The following GOLIM4 variants were observed in gnomAD, a reference collection of about 807,000 sequenced individuals.
The protein encoded by GOLIM4 is golgi integral membrane protein 4.
GOLIM4 carries 71 observed loss-of-function variants against 107.4 expected under a neutral mutation model. The observed-to-expected ratio is 0.66, with a 90% confidence interval of 0.55 to 0.81. The LOEUF (loss-of-function observed/expected upper bound fraction) is 0.81. Ranked by LOEUF, GOLIM4 falls within the 30% of genes least tolerant of loss-of-function variation. The pLI, the probability that GOLIM4 is intolerant of heterozygous loss-of-function variation, is 0.00. For missense variants in GOLIM4, 830 were observed against 826.1 expected (o/e 1.00, Z -0.06); for synonymous variants, 327 against 294.8 (o/e 1.11, Z -1.12).
intron 14 of GOLIM4, among the ~76,000 whole-genome samples, chr3:168,017,419 G>A (rs985037117): frequency 4.3e-4 from 66 of 152,262 alleles, no homozygotes; most frequent in African/African-American, 1.5e-3. Flanking sequence ...GAGCTCTGGA[G>A]GTCAAAGTTG....
chr3:168,052,712 T>C (rs574409247), intron 1 of GOLIM4, among the ~76,000 whole-genome samples: 1 of 152,288 alleles, frequency 6.6e-6, no homozygotes, highest in Non-Finnish European at 1.5e-5. Flanking sequence ...TTTATCTAGC[T>C]AGGTTTACTG....
At chr3:168,041,537 A>G in intron 5 of GOLIM4, 63 bp from the exon 6 acceptor site, 2 of 782,884 alleles carry the variant, frequency 2.6e-6, no homozygotes, top group Non-Finnish European at 4.4e-6. Flanking sequence ...TGTTTCTATT[A>G]TTTTCATATC....
chr3:168,027,802 C>T lies in GOLIM4; in HGVS notation c.1549G>A (p.Glu517Lys). Reference sequence around the variant, plus strand: ...TCATGTCTATTACCTGGATCTCCTTCTGCTTCATCTTGGTGCTGGTTGTCT... The same window carrying T: ...TCATGTCTATTACCTGGATCTCCTTTTGCTTCATCTTGGTGCTGGTTGTCT... ...ERDNQHQDEAEGDPGNRHEPR... is the reference protein window; with the variant it reads ...ERDNQHQDEAKGDPGNRHEPR... The change falls in exon 12 of 16, where the codon GAA (glutamate) becomes AAA (lysine). Residue 517 changes from glutamate to lysine, a missense_variant. Physicochemically the swap from Glu to Lys is moderately conservative, Grantham distance 56. Coordinates refer to ENST00000470487, the MANE Select transcript of GOLIM4 (RefSeq NM_014498.5). 6.2e-7 allele frequency: 1 copy of T among 1,613,378 alleles called. No individual in the cohort carries two copies. Among genetic ancestry groups the T allele is most frequent in the Non-Finnish European group, 8.5e-7 (1 of 1,179,364 alleles).
Position 168,085,869 on chromosome 3 carries a change from C to A in GOLIM4, c.187+9230G>T, listed in dbSNP as rs1042522962. On this transcript the variant is annotated intron_variant, in intron 1 of 15. Transcript: ENST00000470487. ...ATCTAGGTATTTTATGCCTGTCCTA[C>A]CACCATATGTTGGCTGTGTTGAGGG... Among the ~76,000 whole-genome samples, 8 of 151,982 alleles carry A rather than the reference C, an allele frequency of 5.3e-5. No homozygotes were observed. The South Asian group carries it at 1.2e-3, about 24-fold the overall frequency.
At position 168,009,442 on chromosome 3, in the gene GOLIM4, A is replaced by AAAAAAAAAAAAAT. The variant is rs1716866500; in HGVS notation, c.*826_*827insATTTTTTTTTTTT. The AAAAAAAAAAAAAT allele has an allele frequency of 6.7e-6, 1 of 149,442 alleles. No individual in the cohort carries two copies. Among genetic ancestry groups the AAAAAAAAAAAAAT allele is most frequent in the Non-Finnish European group, 1.5e-5 (1 of 67,176 alleles). 9.3% of individuals were successfully genotyped at this position (149,442 alleles called of 1,614,324 possible). ...CAATGGCTTCAAACAAAAAAAAAAAAAAAAAATTGAGAATGGGTGCTCGCA... is the reference window on the plus strand; with the variant it reads ...CAATGGCTTCAAACAAAAAAAAAAAAAAAAAAAAAAAATAAAAAATTGAGAATGGGTGCTCGCA... On this transcript the variant is annotated 3_prime_UTR_variant, in exon 16 of 16. Transcript: ENST00000470487.
intron 1 of GOLIM4, among the ~76,000 whole-genome samples, chr3:168,050,822 TATAATAATAATAATAATAATA>T (rs140084468): frequency 1.5e-4 from 21 of 136,302 alleles, no homozygotes; most frequent in South Asian, 2.4e-4. Context: ...TAGCAACACC[TATAATAATAATAATAATAATA>T]ATAATAATAA....
rs1470830051 is a variant in GOLIM4, at chr3:168,009,320, T to C, written c.*949A>G. 6.6e-6 allele frequency: 1 copy of C among 150,448 alleles called. No homozygotes were observed. The highest frequency in any genetic ancestry group is 2.4e-5 in the African/African-American group (1 of 41,052). The allele number at this position is 150,448 out of a possible 1,614,324, so 9.3% of individuals were successfully genotyped here. A position where few individuals can be genotyped will look rare whatever the true frequency, so the allele number is the denominator to read the frequency against. Reference sequence around the variant, plus strand: ...GCAGTTTGGTATGTCTTCATATTTATACTTATTATCAAAGTGATTGCATAT... The same window carrying C: ...GCAGTTTGGTATGTCTTCATATTTACACTTATTATCAAAGTGATTGCATAT... On this transcript the variant is annotated 3_prime_UTR_variant, in exon 16 of 16. Coordinates refer to ENST00000470487, the MANE Select transcript of GOLIM4 (RefSeq NM_014498.5).
At chr3:168,048,941 G>A (rs1005429119) in intron 1 of GOLIM4, among the ~76,000 whole-genome samples, 1 of 152,134 alleles carries the variant, frequency 6.6e-6, no homozygotes, top group Non-Finnish European at 1.5e-5. Context: ...AAACAGACTA[G>A]AGAAGCACAG....
chr3:168,072,847 A>G (rs142189954), intron 1 of GOLIM4, among the ~76,000 whole-genome samples: 108 of 152,296 alleles, frequency 7.1e-4, no homozygotes, highest in African/African-American at 2.5e-3. Context: ...TTCTAAAGAC[A>G]CACTGATCTA....
At chr3:168,044,913 A>G in intron 3 of GOLIM4, 32 bp from the exon 4 acceptor site, 1 of 1,266,326 alleles carries the variant, frequency 7.9e-7, no homozygotes, top group Non-Finnish European at 1.1e-6. Context: ...GAAAACACAA[A>G]GATAAATATG....
intron 14 of GOLIM4, among the ~76,000 whole-genome samples, chr3:168,021,283 G>T (rs1296824018): frequency 2.0e-5 from 3 of 152,204 alleles, no homozygotes; most frequent in African/African-American, 7.2e-5. Context: ...GATCCAAAGA[G>T]ATAGATAGAA....
intron 14 of GOLIM4, among the ~76,000 whole-genome samples, chr3:168,021,360 T>G (rs911825493): frequency 6.6e-6 from 1 of 151,810 alleles, no homozygotes; most frequent in Non-Finnish European, 1.5e-5. Context: ...AACAAGAGAG[T>G]TTCTTCCAAT....
In GOLIM4 at chr3:168,029,873, T is replaced by C; in HGVS notation, c.1340A>G (p.Gln447Arg). ...QRLQGHLLRQQEQQQQQVARE... is the reference protein window; with the variant it reads ...QRLQGHLLRQREQQQQQVARE... ...TGCCACCTGCTGCTGCTGCTGTTCC[T>C]GCTGCCGTAGTAAGTGCCCCTGCAG... Residue 447 changes from glutamine (Q) to arginine (R), a missense_variant, in exon 10 of 16, where the codon CAG (glutamine) becomes CGG (arginine). Gln to Arg is a conservative substitution (Grantham distance 43, BLOSUM62 1). Transcript: ENST00000470487. 20 of 1,614,132 alleles carry C rather than the reference T, an allele frequency of 1.2e-5. No homozygotes were observed. Among genetic ancestry groups the C allele is most frequent in the Non-Finnish European group, 1.7e-5 (20 of 1,180,018 alleles).
intron 1 of GOLIM4, among the ~76,000 whole-genome samples, chr3:168,064,543 C>G (rs983499078): frequency 6.6e-6 from 1 of 151,800 alleles, no homozygotes; most frequent in Admixed American, 6.6e-5. Context: ...TTGGCAACCT[C>G]TAAGTTTTTA....
intron 12 of GOLIM4, 111 bp downstream of exon 12, chr3:168,027,617 G>A: frequency 1.4e-6 from 1 of 717,252 alleles, no homozygotes; most frequent in Non-Finnish European, 2.5e-6. Context: ...CTTCTGGGCT[G>A]AGGATATAAC....
chr3:168,076,416 G>T (rs545027177), intron 1 of GOLIM4, among the ~76,000 whole-genome samples: 40 of 152,200 alleles, frequency 2.6e-4, no homozygotes, highest in African/African-American at 9.2e-4. Flanking sequence ...AATCCTGGCC[G>T]GGCATGGTGG....
At chr3:168,074,485 A>AGAAAG (rs1720974993) in intron 1 of GOLIM4, among the ~76,000 whole-genome samples, 1 of 152,228 alleles carries the variant, frequency 6.6e-6, no homozygotes, top group African/African-American at 2.4e-5. Flanking sequence ...AAAGATCATG[A>AGAAAG]GAAAGGCGTG....
rs115069007 is a variant in GOLIM4 at position 168,089,642 on chromosome 3, G to A, written c.187+5457C>T. 3.7e-3 allele frequency among the ~76,000 whole-genome samples: 568 copies of A among 152,004 alleles called. 4 individuals are homozygous for A. The highest frequency in any genetic ancestry group is 0.013 in the African/African-American group (529 of 41,446). ...GCCTGTATCTATTATACCTCACTGCGCACAATACCACCATATATATGCACA... is the reference window on the plus strand; with the variant it reads ...GCCTGTATCTATTATACCTCACTGCACACAATACCACCATATATATGCACA... On this transcript the variant is annotated intron_variant, in intron 1 of 15. Transcript: ENST00000470487.
In GOLIM4 at chr3:168,054,415, C is replaced by T. The variant is rs1000759036; in HGVS notation, c.188-6050G>A. On this transcript the variant is annotated intron_variant, in intron 1 of 15. Transcript: ENST00000470487. ...GCCCCTCCTACTGCCTTTCCTTGAGCCTCACTGCTCTTGCTCCAGGTATCT... is the reference window on the plus strand; with the variant it reads ...GCCCCTCCTACTGCCTTTCCTTGAGTCTCACTGCTCTTGCTCCAGGTATCT... Among the ~76,000 whole-genome samples the T allele has an allele frequency of 2.0e-4, 31 of 152,148 alleles. 1 individual carries two copies. The highest frequency in any genetic ancestry group is 4.4e-5 in the Non-Finnish European group (3 of 68,032).
Sources: allele counts gnomAD v4.1 joint callset (sites outside exome capture counted in the v4.1 genomes callset), GRCh38; gene constraint gnomAD v4.1.1; transcripts MANE v1.5; gene names NCBI Gene and HGNC (gene_info 2026-07-23, HGNC 2026-07-21).